The following ATP7B variants were observed in gnomAD, a reference collection of about 807,000 sequenced individuals.
ATP7B encodes ATPase copper transporting beta, also known as copper-transporting ATPase 2.
ATP7B carries 113 observed loss-of-function variants against 118.9 expected under a neutral mutation model. That is an observed-to-expected ratio of 0.95 (90% confidence interval 0.82 to 1.11). ATP7B has a LOEUF of 1.11. ATP7B is among the 50% of genes most tolerant of loss of function. ATP7B has a pLI of 0.00. For synonymous variants in ATP7B, 777 were observed against 727.4 expected, an observed-to-expected ratio of 1.07 and a Z score of -1.10; for missense variants, 1,867 against 1,871.4, an observed-to-expected ratio of 1.00 and a Z score of 0.04.
rs370784013 is a variant in ATP7B, at chr13:51,973,978, T to C, written c.1242A>G (p.Arg414=). ...NPSVISPEEL[R]AAIEDMGFEA... is the part of the protein sequence containing the mutation. ...CAAATCCCATGTCTTCTATAGCAGCTCTGAGTTCTTCTGGGCTAATTACAG... is the reference window on the plus strand; with the variant it reads ...CAAATCCCATGTCTTCTATAGCAGCCCTGAGTTCTTCTGGGCTAATTACAG... Residue 414 remains arginine, a synonymous_variant, in exon 2 of 21, where the codon AGA becomes AGG. Coordinates refer to ENST00000242839, the MANE Select transcript of ATP7B (RefSeq NM_000053.4). 1 of 1,614,246 alleles carries C rather than the reference T, an allele frequency of 6.2e-7. No individual in the cohort carries two copies. The highest frequency in any genetic ancestry group is 8.5e-7 in the Non-Finnish European group (1 of 1,180,040).
intron 1 of ATP7B, among the ~76,000 whole-genome samples, chr13:52,003,580 G>A (rs891449787): frequency 6.6e-6 from 1 of 151,968 alleles, no homozygotes; most frequent in Non-Finnish European, 1.5e-5. Context: ...CACAAATGGC[G>A]TCAGTAGACT....
intron 1 of ATP7B, among the ~76,000 whole-genome samples, chr13:51,978,488 A>C (rs1191588099): frequency 6.6e-6 from 1 of 152,238 alleles, no homozygotes; most frequent in Non-Finnish European, 1.5e-5. Flanking sequence ...GTACTCTTTT[A>C]CTCAGCAACT....
At chr13:51,990,075 TAATA>T (rs1477904877) in intron 1 of ATP7B, among the ~76,000 whole-genome samples, 1 of 151,896 alleles carries the variant, frequency 6.6e-6, no homozygotes, top group Non-Finnish European at 1.5e-5. Context: ...ATTAAGTATC[TAATA>T]AATCTTTTTT....
intron 12 of ATP7B, among the ~76,000 whole-genome samples, chr13:51,946,904 G>A (rs951787009): frequency 2.0e-5 from 3 of 152,068 alleles, no homozygotes; most frequent in Admixed American, 1.3e-4. Context: ...GCATAGGAGC[G>A]GCATTTAAGA....
rs757549770 is a variant in ATP7B at position 51,941,215 on chromosome 13, G to C, written c.3422C>G (p.Pro1141Arg). 210 of 1,613,992 alleles carry C rather than the reference G, an allele frequency of 1.3e-4. 1 individual carries two copies. Among genetic ancestry groups the C allele is most frequent in the Middle Eastern group, 8.2e-4 (5 of 6,084 alleles). ...TCCAATCAGCACAGAGAAGGTCTGG[G>C]GGACTGCATCTATTCAAAAGAGGCT... Reference protein sequence around the residue: ...GSLPAEKDAVPQTFSVLIGNR... With the variant: ...GSLPAEKDAVRQTFSVLIGNR... Residue 1141 changes from proline to arginine, a missense_variant, in exon 16 of 21, where the codon CCC becomes CGC. Pro to Arg is a moderately radical substitution (Grantham distance 103). Coordinates refer to ENST00000242839, the MANE Select transcript of ATP7B (RefSeq NM_000053.4).
chr13:51,957,694 G>C, intron 8 of ATP7B, 87 bp from the exon 9 acceptor site: 1 of 1,331,350 alleles, frequency 7.5e-7, no homozygotes, highest in Non-Finnish European at 1.1e-6. Flanking sequence ...TGGTGTTAGA[G>C]ACAGCTGGTG....
At chr13:51,985,713 C>CA (rs1169227161) in intron 1 of ATP7B, among the ~76,000 whole-genome samples, 2 of 152,188 alleles carry the variant, frequency 1.3e-5, no homozygotes, top group East Asian at 3.8e-4. Flanking sequence ...TAATAACAAA[C>CA]AGTCTCTCAG....
chr13:51,996,904 A>C (rs1343444449), intron 1 of ATP7B, among the ~76,000 whole-genome samples: 1 of 152,236 alleles, frequency 6.6e-6, no homozygotes, highest in African/African-American at 2.4e-5. Context: ...TCAGCCAAAA[A>C]ACAAAGAACC....
At chr13:51,971,717 G>A (rs181264736) in intron 2 of ATP7B, among the ~76,000 whole-genome samples, 31 of 152,286 alleles carry the variant, frequency 2.0e-4, no homozygotes, top group African/African-American at 6.0e-4. Flanking sequence ...CACAAAATGG[G>A]GCCAGGCCAC....
rs587783309 is a variant in ATP7B at position 51,944,164 on chromosome 13, G to A, written c.3188C>T (p.Ala1063Val). Residue 1063 changes from alanine to valine, a missense_variant, in exon 14 of 21, where the codon GCG (alanine) becomes GTG (valine). Transcript: ENST00000242839. ...LRKVLAVVGT[A>V]EASSEHPLGV... ...CAAGGGGTGTTCACTGCTGGCCTCCGCAGTCCCCACCACAGCCAGAACCTT... is the reference window on the plus strand; with the variant it reads ...CAAGGGGTGTTCACTGCTGGCCTCCACAGTCCCCACCACAGCCAGAACCTT... 4.3e-6 allele frequency: 7 copies of A among 1,613,984 alleles called. No individual in the cohort carries two copies. The highest frequency in any genetic ancestry group is 4.5e-5 in the East Asian group (2 of 44,896).
intron 3 of ATP7B, among the ~76,000 whole-genome samples, chr13:51,970,115 G>T (rs1404691416): frequency 2.0e-5 from 3 of 152,150 alleles, no homozygotes; most frequent in Non-Finnish European, 2.9e-5. Context: ...AAGAATATTT[G>T]AAATTGGAAC....
At chr13:51,946,597 G>A (rs1180595640) in intron 12 of ATP7B, 119 bp from the exon 13 acceptor site, 51 of 1,105,902 alleles carry the variant, frequency 4.6e-5, no homozygotes, top group Non-Finnish European at 2.4e-5. Context: ...CTTGGGTTCC[G>A]GAAACAGATG....
At chr13:51,942,282 A>G in intron 15 of ATP7B, 104 bp downstream of exon 15, 1 of 1,564,498 alleles carries the variant, frequency 6.4e-7, no homozygotes, top group Non-Finnish European at 8.7e-7. Context: ...TTAGCCATGA[A>G]CCGTCTGCCG....
In ATP7B at chr13:51,946,617, A is replaced by T. The variant is rs1423495785; in HGVS notation, c.2866-139T>A. On this transcript the variant is annotated intron_variant, in intron 12 of 20. Coordinates refer to ENST00000242839, the MANE Select transcript of ATP7B (RefSeq NM_000053.4). ...GTTCCGGAAACAGATGGTATTCCAC[A>T]CTGCTCTGCCATCATAGAGAACACG... 5.5e-6 allele frequency: 5 copies of T among 902,134 alleles called. No individual in the cohort carries two copies. In the Admixed American group the frequency reaches 6.0e-5, roughly 11 times the overall value. 55.9% of individuals were successfully genotyped at this position (902,134 alleles called of 1,614,324 possible).
intron 2 of ATP7B, among the ~76,000 whole-genome samples, chr13:51,972,863 C>T (rs1415942786): frequency 6.6e-6 from 1 of 151,970 alleles, no homozygotes; most frequent in Non-Finnish European, 1.5e-5. Context: ...AAAATGAGCC[C>T]GGTGTGGTGG....
chr13:51,939,221 C>T lies in ATP7B; in HGVS notation c.3557-28G>A, dbSNP rs555442194. On this transcript the variant is annotated intron_variant, in intron 16 of 20. Coordinates refer to ENST00000242839, the MANE Select transcript of ATP7B (RefSeq NM_000053.4). ...GGAGCGAACCAGCCAGCATCAGCAG[C>T]TACACAAGTTGGGGCACCCCGCACC... 4.3e-6 allele frequency: 7 copies of T among 1,610,998 alleles called. No individual in the cohort carries two copies. The South Asian group carries it at 5.5e-5, about 13-fold the overall frequency.
chr13:51,939,120 C>G lies in ATP7B; in HGVS notation c.3630G>C (p.Gln1210His). ...TCAGAACCACGTCCACACCCATGCT[C>G]TGCAGCGTGTGCACAGCCAGGGCAG... ...QEAALAVHTL[Q>H]SMGVDVVLIT... The change falls in exon 17 of 21, where the codon CAG (glutamine) becomes CAC (histidine). Residue 1210 changes from glutamine (Q) to histidine (H), a missense_variant. Physicochemically the swap from Gln to His is conservative, Grantham distance 24 (BLOSUM62 0). Coordinates refer to ENST00000242839, the MANE Select transcript of ATP7B (RefSeq NM_000053.4). The G allele has an allele frequency of 6.2e-7, 1 of 1,614,256 alleles. No homozygotes were observed. The highest frequency in any genetic ancestry group is 8.5e-7 in the Non-Finnish European group (1 of 1,180,044).
chr13:51,998,381 A>G (rs1953322696), intron 1 of ATP7B, among the ~76,000 whole-genome samples: 1 of 152,256 alleles, frequency 6.6e-6, no homozygotes, highest in African/African-American at 2.4e-5. Flanking sequence ...AATATCAGAC[A>G]TTAAATAAGT....
intron 1 of ATP7B, among the ~76,000 whole-genome samples, chr13:51,997,901 G>C (rs1953290951): frequency 6.6e-6 from 1 of 152,164 alleles, no homozygotes; most frequent in African/African-American, 2.4e-5. Context: ...AAGAAGGCAA[G>C]TCTGGGGTAA....
Sources: allele counts gnomAD v4.1 joint callset (sites outside exome capture counted in the v4.1 genomes callset), GRCh38; gene constraint gnomAD v4.1.1; transcripts MANE v1.5; gene names NCBI Gene and HGNC (gene_info 2026-07-23, HGNC 2026-07-21).